The following CDH12 variants were observed in gnomAD, a reference collection of about 807,000 sequenced individuals.
CDH12 encodes the protein cadherin-12.
CDH12 carries 41 observed loss-of-function variants against 74.1 expected under a neutral mutation model. The observed-to-expected ratio is 0.55, with a 90% CI of 0.43 to 0.72. The LOEUF (loss-of-function observed/expected upper bound fraction) is 0.72. Ranked by LOEUF, CDH12 falls within the 30% of genes least tolerant of loss-of-function variation. The pLI, the probability that CDH12 is intolerant of heterozygous loss-of-function variation, is 0.00. For missense variants in CDH12, 945 were observed against 977.2 expected, an observed-to-expected ratio of 0.97 and a Z score of 0.44; for synonymous variants, 399 against 355.0, an observed-to-expected ratio of 1.12 and a Z score of -1.39.
At chr5:22,593,043 A>AG (rs1243520058) in intron 1 of CDH12, among the ~76,000 whole-genome samples, 4 of 151,616 alleles carry the variant, frequency 2.6e-5, no homozygotes, top group African/African-American at 9.7e-5. Flanking sequence ...AAAGAAAAAA[A>AG]AAAAAAAAAG....
At chr5:22,221,206 C>T (rs866693602) in intron 3 of CDH12, among the ~76,000 whole-genome samples, 4 of 151,818 alleles carry the variant, frequency 2.6e-5, no homozygotes, top group African/African-American at 9.7e-5. Flanking sequence ...TTTTAATCTG[C>T]TTATTCAAAA....
At chr5:22,171,752 A>G (rs1226682120) in intron 4 of CDH12, among the ~76,000 whole-genome samples, 1 of 151,932 alleles carries the variant, frequency 6.6e-6, no homozygotes, top group Non-Finnish European at 1.5e-5. Context: ...CCACTCCCTT[A>G]GACTGCATAG....
At chr5:21,798,239 G>A (rs1746901142) in intron 10 of CDH12, among the ~76,000 whole-genome samples, 1 of 123,098 alleles carries the variant, frequency 8.1e-6, no homozygotes, top group Non-Finnish European at 1.8e-5. Context: ...ATATTTGAAT[G>A]TATATGTGGA....
At chr5:22,146,445 T>A (rs1747186457) in intron 4 of CDH12, among the ~76,000 whole-genome samples, 1 of 152,102 alleles carries the variant, frequency 6.6e-6, no homozygotes, top group African/African-American at 2.4e-5. Context: ...AACAAAGTTG[T>A]TAACACAAAA....
chr5:22,767,242 C>T (rs1282600749), intron 1 of CDH12, among the ~76,000 whole-genome samples: 3 of 151,618 alleles, frequency 2.0e-5, no homozygotes, highest in Non-Finnish European at 4.4e-5. Context: ...AAATGAAAAC[C>T]CAGTTTTCTT....
At chr5:22,118,026 G>T (rs996569189) in intron 4 of CDH12, among the ~76,000 whole-genome samples, 2 of 152,016 alleles carry the variant, frequency 1.3e-5, no homozygotes, top group African/African-American at 4.8e-5. Context: ...ATAATACAGA[G>T]ACCTCAACTC....
Position 21,783,563 on chromosome 5 carries a change from C to T in CDH12, c.1257-69G>A. The T allele has an allele frequency of 2.6e-6, 3 of 1,172,258 alleles. No individual in the cohort carries two copies. In the Admixed American group the frequency reaches 5.7e-5, roughly 22 times the overall value. 72.6% of individuals were successfully genotyped at this position (1,172,258 alleles called of 1,614,324 possible). On this transcript the variant is annotated intron_variant, in intron 10 of 14. Coordinates refer to ENST00000382254, the MANE Select transcript of CDH12 (RefSeq NM_004061.5). ...TTAATCATAATGGCACTTAGGCTAA[C>T]TTGACACAGTTCCTTATTTTTCTCC...
chr5:21,754,584 A>T (rs1219620957), intron 14 of CDH12, among the ~76,000 whole-genome samples: 1 of 152,192 alleles, frequency 6.6e-6, no homozygotes, highest in East Asian at 1.9e-4. Context: ...CTTCTACGTC[A>T]GCATGAACTT....
chr5:21,890,333 A>T (rs1579917282), intron 6 of CDH12, among the ~76,000 whole-genome samples: 1 of 152,242 alleles, frequency 6.6e-6, no homozygotes, highest in East Asian at 1.9e-4. Context: ...TCTTTCTTCT[A>T]TGGTAAAAAT....
At chr5:22,059,914 T>A (rs1345177313) in intron 5 of CDH12, among the ~76,000 whole-genome samples, 1 of 152,164 alleles carries the variant, frequency 6.6e-6, no homozygotes, top group African/African-American at 2.4e-5. Context: ...TATTATCCAG[T>A]GGCTGAGAGA....
At chr5:22,434,664 G>A (rs916145651) in intron 2 of CDH12, among the ~76,000 whole-genome samples, 7 of 152,074 alleles carry the variant, frequency 4.6e-5, no homozygotes, top group Middle Eastern at 3.4e-3. Context: ...TTTATATAAC[G>A]TCATTTTAAT....
intron 1 of CDH12, among the ~76,000 whole-genome samples, chr5:22,736,889 T>C (rs1462571359): frequency 6.6e-6 from 1 of 151,972 alleles, no homozygotes; most frequent in Non-Finnish European, 1.5e-5. Context: ...TTGAGAACTT[T>C]AAGCCACTGT....
At chr5:22,649,352 T>C (rs1739609104) in intron 1 of CDH12, among the ~76,000 whole-genome samples, 1 of 152,042 alleles carries the variant, frequency 6.6e-6, no homozygotes, top group African/African-American at 2.4e-5. Flanking sequence ...TAGGCAGAAC[T>C]CTGACTCAGA....
intron 1 of CDH12, among the ~76,000 whole-genome samples, chr5:22,744,925 G>A (rs1331541664): frequency 2.0e-5 from 3 of 151,692 alleles, no homozygotes; most frequent in Non-Finnish European, 4.4e-5. Flanking sequence ...TAACAGGGTG[G>A]GTAGGAGAGT....
intron 11 of CDH12, among the ~76,000 whole-genome samples, chr5:21,769,390 A>G (rs1438847226): frequency 6.6e-6 from 1 of 152,076 alleles, no homozygotes; most frequent in Non-Finnish European, 1.5e-5. Flanking sequence ...TTAGAGATAT[A>G]ATAAAGGAAT....
chr5:21,844,960 G>C (rs540866129), intron 7 of CDH12, among the ~76,000 whole-genome samples: 19 of 152,062 alleles, frequency 1.2e-4, no homozygotes, highest in African/African-American at 4.1e-4. Flanking sequence ...TATCTTAATA[G>C]AAGTTAATTC....
chr5:21,918,131 A>T (rs1754183629), intron 6 of CDH12, among the ~76,000 whole-genome samples: 1 of 127,056 alleles, frequency 7.9e-6, no homozygotes, highest in Non-Finnish European at 1.7e-5. Context: ...ATGCTGATAC[A>T]CTGCTATTTT....
At chr5:22,627,445 T>A (rs574369385) in intron 1 of CDH12, among the ~76,000 whole-genome samples, 2 of 144,920 alleles carry the variant, frequency 1.4e-5, no homozygotes. Context: ...TCACTATTAT[T>A]AAAAAAAAAA....
At chr5:22,800,373 G>A (rs1748447068) in intron 1 of CDH12, among the ~76,000 whole-genome samples, 1 of 152,114 alleles carries the variant, frequency 6.6e-6, no homozygotes, top group Non-Finnish European at 1.5e-5. Context: ...GATCTCCATA[G>A]ATAATGTTTT....
Sources: gnomAD v4.1 joint callset for allele counts (sites outside exome capture counted in the v4.1 genomes callset) on GRCh38, gnomAD v4.1.1 for gene constraint, MANE v1.5 for transcripts, NCBI Gene and HGNC (gene_info 2026-07-23, HGNC 2026-07-21) for gene names.